POLDIP3: variants seen among roughly 807,000 people sequenced by gnomAD.
The protein encoded by POLDIP3 is DNA polymerase delta interacting protein 3.
POLDIP3 carries 14 observed loss-of-function variants against 45.1 expected under a neutral mutation model. The observed-to-expected ratio is 0.31, with a 90% CI of 0.20 to 0.49. The LOEUF is 0.49. Ranked by LOEUF, POLDIP3 falls within the 20% of genes least tolerant of loss-of-function variation. The pLI, the probability that POLDIP3 is intolerant of heterozygous loss-of-function variation, is 0.99. For missense variants in POLDIP3, 511 were observed against 538.8 expected (o/e 0.95, Z 0.51); for synonymous variants, 223 against 205.2 (o/e 1.09, Z -0.74).
In POLDIP3 at chr22:42,585,100, G is replaced by A. The variant is rs1010615538; in HGVS notation, c.*691C>T. On this transcript the variant is annotated 3_prime_UTR_variant, in exon 9 of 9. Coordinates refer to ENST00000252115, the MANE Select transcript of POLDIP3 (RefSeq NM_032311.5). ...GCATTCAGCACAACTCAAGGAAAAG[G>A]GAAAGGTGAACTCTGGAGAACTTCC... 2.3e-6 allele frequency: 1 copy of A among 439,932 alleles called. No homozygotes were observed. The highest frequency in any genetic ancestry group is 4.5e-6 in the Non-Finnish European group (1 of 219,808). 27.3% of individuals were successfully genotyped at this position (439,932 alleles called of 1,614,324 possible). A position where few individuals can be genotyped will look rare whatever the true frequency, so the allele number is the denominator to read the frequency against.
At chr22:42,589,953 T>C (rs549521848) in intron 7 of POLDIP3, among the ~76,000 whole-genome samples, 2 of 148,986 alleles carry the variant, frequency 1.3e-5, no homozygotes, top group Non-Finnish European at 3.0e-5. Flanking sequence ...ATAATAGACA[T>C]GTACAGAACA....
At chr22:42,603,545 T>TC (rs1350105585) in intron 1 of POLDIP3, 10 of 193,428 alleles carry the variant, frequency 5.2e-5, no homozygotes, top group African/African-American at 2.4e-4. Flanking sequence ...CCAAGGCCCA[T>TC]CCCCATCCAT....
At chr22:42,601,283 C>T (rs867528264) in intron 3 of POLDIP3, among the ~76,000 whole-genome samples, 1 of 146,726 alleles carries the variant, frequency 6.8e-6, no homozygotes, top group Non-Finnish European at 1.5e-5. Context: ...GGCTAAGAGG[C>T]GGGAGGATAG....
At chr22:42,595,496 G>A (rs780714855) in intron 6 of POLDIP3, 41 bp downstream of exon 6, 92 of 1,573,694 alleles carry the variant, frequency 5.8e-5, no homozygotes, top group Non-Finnish European at 8.0e-5. Flanking sequence ...TGCCACAGAG[G>A]CAGTTTGAGA....
chr22:42,592,448 T>C (rs1266441372), intron 6 of POLDIP3, among the ~76,000 whole-genome samples: 1 of 152,224 alleles, frequency 6.6e-6, no homozygotes, highest in Non-Finnish European at 1.5e-5. Context: ...GCTGCTAATA[T>C]GTCACCTGAG....
Position 42,585,284 on chromosome 22 carries a change from A to G in POLDIP3, c.*507T>C, listed in dbSNP as rs140871094. Reference sequence around the variant, plus strand: ...TCCCCACCCAGGCACCTCCACTGACAAGACAGAGGAGCGGCACAGCTCTCA... The same window carrying G: ...TCCCCACCCAGGCACCTCCACTGACGAGACAGAGGAGCGGCACAGCTCTCA... On this transcript the variant is annotated 3_prime_UTR_variant, in exon 9 of 9. Coordinates refer to ENST00000252115, the MANE Select transcript of POLDIP3 (RefSeq NM_032311.5). 1.2e-3 allele frequency: 622 copies of G among 514,762 alleles called. 2 individuals carry two copies. Among genetic ancestry groups the G allele is most frequent in the African/African-American group, 9.9e-3 (513 of 51,960 alleles). 31.9% of individuals were successfully genotyped at this position (514,762 alleles called of 1,614,324 possible).
Position 42,584,886 on chromosome 22 carries a change from CAAA to C in POLDIP3, c.*902_*904del. The C allele has an allele frequency of 4.4e-6, 2 of 456,234 alleles. No individual in the cohort carries two copies. The highest frequency in any genetic ancestry group is 8.8e-6 in the Non-Finnish European group (2 of 226,952). The allele number at this position is 456,234 out of a possible 1,614,324, so 28.3% of individuals were successfully genotyped here. Reference sequence around the variant, plus strand: ...CAGGAACAAACTGACCTCTTCCATTCAAATAAGCTCCAAACCCAAGCACTGCAC... The same window carrying C: ...CAGGAACAAACTGACCTCTTCCATTCTAAGCTCCAAACCCAAGCACTGCAC... On this transcript the variant is annotated 3_prime_UTR_variant, in exon 9 of 9. Transcript: ENST00000252115.
chr22:42,588,071 T>A (rs1403696229), intron 7 of POLDIP3, among the ~76,000 whole-genome samples: 1 of 152,128 alleles, frequency 6.6e-6, no homozygotes, highest in Non-Finnish European at 1.5e-5. Context: ...CATTTCCATA[T>A]CTTACTCGAG....
In POLDIP3 at chr22:42,595,600, T is replaced by A. The variant is rs996196136; in HGVS notation, c.828A>T (p.Pro276=). 8 of 1,613,790 alleles carry A rather than the reference T, an allele frequency of 5.0e-6. No individual in the cohort carries two copies. Among genetic ancestry groups the A allele is most frequent in the Non-Finnish European group, 6.8e-6 (8 of 1,179,926 alleles). ...TCACAGTCATCTTGGTGCCTTCCAA[T>A]GGGCTGAGAACAGGCTGCCACACAG... is the stretch of plus-strand genomic sequence containing the variant. The part of the protein sequence containing the change: ...ELPAAEPVLS[P]LEGTKMTVNN... The change falls in exon 6 of 9, where the codon CCA becomes CCT. Residue 276 remains proline (P), a synonymous_variant. Transcript: ENST00000252115.
At position 42,595,627 on chromosome 22, in the gene POLDIP3, C is replaced by T. The variant is rs1046606235; in HGVS notation, c.814-13G>A. ...GGCTGAGAACAGGCTGCCACACAGA[C>T]AAGAGCATTACCAGAAGCCAGATGG... is the stretch of plus-strand genomic sequence containing the variant. On this transcript the variant is annotated splice_polypyrimidine_tract_variant and intron_variant, in intron 5 of 8. Transcript: ENST00000252115. 1.2e-6 allele frequency: 2 copies of T among 1,612,758 alleles called. No homozygotes were observed. Among genetic ancestry groups the T allele is most frequent in the African/African-American group, 1.3e-5 (1 of 75,008 alleles).
At chr22:42,597,979 A>C (rs932362223) in intron 4 of POLDIP3, among the ~76,000 whole-genome samples, 30 of 151,464 alleles carry the variant, frequency 2.0e-4, no homozygotes, top group African/African-American at 7.3e-4. Context: ...GGATTTCACC[A>C]TGTTGCCAAG....
intron 5 of POLDIP3, 29 bp downstream of exon 5, chr22:42,596,157 A>C: frequency 6.2e-7 from 1 of 1,610,966 alleles, no homozygotes; most frequent in Non-Finnish European, 8.5e-7. Flanking sequence ...TCCTGACCCC[A>C]ACTGCTGCAG....
At position 42,596,462 on chromosome 22, in the gene POLDIP3, G is replaced by A. The variant is rs1646990991; in HGVS notation, c.634-97C>T. On this transcript the variant is annotated intron_variant, in intron 4 of 8. Coordinates refer to ENST00000252115, the MANE Select transcript of POLDIP3 (RefSeq NM_032311.5). Reference sequence around the variant, plus strand: ...CAACTTGCTGAGAGCATGAACCCTCGATGCCTCCCAGCTCTCTAATTCTAT... The same window carrying A: ...CAACTTGCTGAGAGCATGAACCCTCAATGCCTCCCAGCTCTCTAATTCTAT... 5.9e-6 allele frequency: 7 copies of A among 1,182,408 alleles called. No homozygotes were observed. In the Admixed American group the frequency reaches 7.5e-5, roughly 13 times the overall value. 73.2% of individuals were successfully genotyped at this position (1,182,408 alleles called of 1,614,324 possible).
chr22:42,587,493 C>A lies in POLDIP3; in HGVS notation c.1088+13G>T. The A allele has an allele frequency of 1.2e-6, 2 of 1,611,698 alleles. No individual in the cohort carries two copies. Among genetic ancestry groups the A allele is most frequent in the Non-Finnish European group, 1.7e-6 (2 of 1,177,832 alleles). On this transcript the variant is annotated intron_variant, in intron 8 of 8. Coordinates refer to ENST00000252115, the MANE Select transcript of POLDIP3 (RefSeq NM_032311.5). ...GAGCTGCCTCTCCCCAGCACCCCGC[C>A]TTTGGAACTCACAGCAGGATGGGCT...
At chr22:42,590,085 G>A (rs1925572796) in intron 7 of POLDIP3, among the ~76,000 whole-genome samples, 1 of 152,082 alleles carries the variant, frequency 6.6e-6, no homozygotes, top group Admixed American at 6.6e-5. Flanking sequence ...GGTCAAAGGA[G>A]AAATCACAAG....
At chr22:42,591,136 G>C (rs1373444719) in intron 7 of POLDIP3, among the ~76,000 whole-genome samples, 3 of 151,246 alleles carry the variant, frequency 2.0e-5, no homozygotes, top group South Asian at 2.1e-4. Flanking sequence ...AGGAAAATAA[G>C]TATCTTTCCA....
Position 42,595,543 on chromosome 22 carries a change from G to A in POLDIP3, c.885C>T (p.Asp295=). 1.2e-6 allele frequency: 2 copies of A among 1,613,612 alleles called. No individual in the cohort carries two copies. Among genetic ancestry groups the A allele is most frequent in the South Asian group, 2.2e-5 (2 of 91,056 alleles). Residue 295 remains aspartate, a synonymous_variant, in exon 6 of 9, where the codon GAC becomes GAT. Transcript: ENST00000252115. The part of the protein sequence containing the change: ...NNLHPRVTEE[D]IVELFCVCGA... ...GGTAGGTCACAGTACTTACAACAAT[G>A]TCCTCCTCAGTGACTCGAGGGTGCA...
intron 2 of POLDIP3, among the ~76,000 whole-genome samples, chr22:42,602,538 C>T (rs950931839): frequency 6.6e-6 from 1 of 151,682 alleles, no homozygotes; most frequent in East Asian, 2.0e-4. Flanking sequence ...GGGAAAGTCA[C>T]CAAATTTCTA....
intron 4 of POLDIP3, among the ~76,000 whole-genome samples, chr22:42,598,663 C>A (rs1415714383): frequency 6.6e-6 from 1 of 152,190 alleles, no homozygotes; most frequent in African/African-American, 2.4e-5. Context: ...AGATTACAGG[C>A]GTGAGCCACC....
Sources: gnomAD v4.1 joint callset for allele counts (sites outside exome capture counted in the v4.1 genomes callset) on GRCh38, gnomAD v4.1.1 for gene constraint, MANE v1.5 for transcripts, NCBI Gene and HGNC (gene_info 2026-07-23, HGNC 2026-07-21) for gene names.